Variants in BIRC6 observed in about 807,000 individuals in gnomAD.
The protein encoded by BIRC6 is dual E2 ubiquitin-conjugating enzyme/E3 ubiquitin-protein ligase BIRC6.
In BIRC6, 98 loss-of-function variants were observed where a neutral mutation model predicts 503.3. The observed-to-expected ratio is 0.19, with a 90% CI of 0.17 to 0.23. The LOEUF (loss-of-function observed/expected upper bound fraction) is 0.23, where lower values mean the gene tolerates loss of function less well. Among genes scored for constraint, BIRC6 ranks in the 10% least tolerant of loss-of-function variants. The pLI, the probability that BIRC6 is intolerant of heterozygous loss-of-function variation, is 1.00. For synonymous variants in BIRC6, 2,240 were observed against 2,078.7 expected (o/e 1.08, Z -2.11); for missense variants, 5,360 against 5,806.0 (o/e 0.92, Z 2.50).
chr2:32,597,588 G>C (rs1478303980), intron 68 of BIRC6, among the ~76,000 whole-genome samples, 163 bp from the exon 69 acceptor site: 1 of 152,172 alleles, frequency 6.6e-6, no homozygotes, highest in Non-Finnish European at 1.5e-5. Flanking sequence ...CCATCTGGCA[G>C]TGCTAATATA....
At chr2:32,399,837 G>A in intron 6 of BIRC6, among the ~76,000 whole-genome samples, 1 of 151,694 alleles carries the variant, frequency 6.6e-6, no homozygotes, top group East Asian at 1.9e-4. Context: ...GCTCAGGCTG[G>A]AGTGCAGTGG....
intron 15 of BIRC6, among the ~76,000 whole-genome samples, chr2:32,437,787 G>A (rs531666556): frequency 7.0e-4 from 106 of 152,264 alleles, no homozygotes; most frequent in African/African-American, 2.4e-3. Context: ...ATATATGCAA[G>A]TTTTGTGCTT....
At chr2:32,382,531 G>T (rs2037824128) in intron 3 of BIRC6, among the ~76,000 whole-genome samples, 1 of 152,120 alleles carries the variant, frequency 6.6e-6, no homozygotes, top group South Asian at 2.1e-4. Context: ...CCAGGAAACT[G>T]GTTGAAAAGA....
chr2:32,446,738 GTTTTTTTTTTTTTTT>G (rs58232090), intron 21 of BIRC6, among the ~76,000 whole-genome samples: 819 of 34,928 alleles, frequency 0.023, 27 homozygotes, highest in Admixed American at 0.027. Flanking sequence ...CCTCTGCGCT[GTTTTTTTTTTTTTTT>G]TTTTTTTTTT....
At chr2:32,482,682 C>T (rs1389194291) in intron 39 of BIRC6, 100 bp downstream of exon 39, 5 of 1,317,410 alleles carry the variant, frequency 3.8e-6, no homozygotes, top group Non-Finnish European at 5.2e-6. Context: ...GGGTGTATGC[C>T]AGTGGGTTTA....
intron 70 of BIRC6, among the ~76,000 whole-genome samples, chr2:32,601,205 G>C (rs1407228505): frequency 1.3e-5 from 2 of 152,202 alleles, no homozygotes; most frequent in Admixed American, 1.3e-4. Context: ...TCAACTACCT[G>C]TTGAATGAAT....
chr2:32,359,656 G>GA (rs2033731759), intron 1 of BIRC6, among the ~76,000 whole-genome samples: 1 of 152,156 alleles, frequency 6.6e-6, no homozygotes, highest in Non-Finnish European at 1.5e-5. Context: ...AAGGATTACA[G>GA]AAAAAATTTG....
intron 13 of BIRC6, 100 bp downstream of exon 13, chr2:32,433,904 C>G (rs937202146): frequency 1.0e-6 from 1 of 982,536 alleles, no homozygotes; most frequent in Non-Finnish European, 1.4e-6. Context: ...CTTTCTGTCC[C>G]TTGTTGCCAT....
At chr2:32,549,562 T>C (rs2058297406) in intron 65 of BIRC6, 81 bp downstream of exon 65, 1 of 1,173,738 alleles carries the variant, frequency 8.5e-7, no homozygotes, top group Non-Finnish European at 1.1e-6. Flanking sequence ...AAGTTTCAGT[T>C]GAAATAGTTG....
intron 43 of BIRC6, among the ~76,000 whole-genome samples, chr2:32,490,657 T>C (rs547391678): frequency 7.7e-4 from 118 of 152,320 alleles, no homozygotes; most frequent in Non-Finnish European, 1.3e-3. Flanking sequence ...TCAAATCATA[T>C]TTTTTACCTT....
At chr2:32,562,081 A>G (rs1011647542) in intron 65 of BIRC6, among the ~76,000 whole-genome samples, 5 of 152,062 alleles carry the variant, frequency 3.3e-5, no homozygotes, top group African/African-American at 1.2e-4. Context: ...GATTTTAACA[A>G]TTGGAATTAT....
chr2:32,404,594 G>T (rs2040983962), intron 8 of BIRC6, among the ~76,000 whole-genome samples: 1 of 152,090 alleles, frequency 6.6e-6, no homozygotes, highest in Non-Finnish European at 1.5e-5. Context: ...GATTATAGGT[G>T]TGAGCCACTG....
intron 61 of BIRC6, among the ~76,000 whole-genome samples, chr2:32,534,881 T>A (rs1409820105): frequency 6.6e-6 from 1 of 151,254 alleles, no homozygotes; most frequent in Non-Finnish European, 1.5e-5. Context: ...AGTTGAAACA[T>A]GGACAGAAAC....
chr2:32,598,017 C>A, intron 69 of BIRC6, 49 bp downstream of exon 69: 1 of 1,431,348 alleles, frequency 7.0e-7, no homozygotes, highest in Non-Finnish European at 9.5e-7. Flanking sequence ...CTTGGCTCAT[C>A]TAATTACTCA....
intron 6 of BIRC6, among the ~76,000 whole-genome samples, chr2:32,399,929 A>G (rs2149716352): frequency 6.6e-6 from 1 of 152,148 alleles, no homozygotes; most frequent in Non-Finnish European, 1.5e-5. Context: ...CTGGGAATAC[A>G]GGCACATGCT....
intron 9 of BIRC6, among the ~76,000 whole-genome samples, chr2:32,412,839 A>C (rs1032393488): frequency 1.3e-5 from 2 of 152,212 alleles, no homozygotes; most frequent in South Asian, 4.1e-4. Flanking sequence ...TGACAGATGC[A>C]TAAGTAGTAT....
At chr2:32,495,473 T>C (rs1381065584) in intron 45 of BIRC6, among the ~76,000 whole-genome samples, 1 of 152,174 alleles carries the variant, frequency 6.6e-6, no homozygotes, top group Non-Finnish European at 1.5e-5. Context: ...AATGATATAA[T>C]AATATACACT....
chr2:32,480,698 A>G (rs1437974112), intron 37 of BIRC6, among the ~76,000 whole-genome samples: 8 of 121,132 alleles, frequency 6.6e-5, no homozygotes, highest in African/African-American at 1.9e-4. Flanking sequence ...CTGGAGCACA[A>G]TGGCGTGATC....
chr2:32,483,328 A>T (rs1299547660), intron 39 of BIRC6, among the ~76,000 whole-genome samples: 1 of 152,182 alleles, frequency 6.6e-6, no homozygotes, highest in Admixed American at 6.5e-5. Flanking sequence ...AATATTTTTT[A>T]AAAATTTGAA....
Sources: allele counts gnomAD v4.1 joint callset (sites outside exome capture counted in the v4.1 genomes callset), GRCh38; gene constraint gnomAD v4.1.1; transcripts MANE v1.5; gene names NCBI Gene and HGNC (gene_info 2026-07-23, HGNC 2026-07-21).